COL6A6: variants seen among roughly 807,000 people sequenced by gnomAD.
COL6A6 encodes collagen alpha-6(VI) chain.
Under a neutral mutation model 208.6 loss-of-function variants are expected in COL6A6, and 183 were observed. The observed-to-expected ratio is 0.88, with a 90% CI of 0.78 to 0.99. COL6A6 has a LOEUF of 0.99. Among genes scored for constraint, COL6A6 ranks in the 50% least tolerant of loss-of-function variants. The pLI is 0.00. For missense variants in COL6A6, 2,816 were observed against 2,815.2 expected (o/e 1.00, Z -0.01); for synonymous variants, 973 against 1,011.8 (o/e 0.96, Z 0.73).
At chr3:130,520,876 T>C (rs2107661329) in intron 1 of COL6A6, among the ~76,000 whole-genome samples, 1 of 152,296 alleles carries the variant, frequency 6.6e-6, no homozygotes, top group East Asian at 1.9e-4. Context: ...CCCTAAAAAC[T>C]AATGCATTTA....
intron 36 of COL6A6, 56 bp from the exon 37 acceptor site, chr3:130,675,146 G>A (rs1031166877): frequency 8.4e-6 from 9 of 1,068,248 alleles, no homozygotes; most frequent in African/African-American, 1.6e-5. Flanking sequence ...TTAATATGTA[G>A]TCTATTAAAG....
chr3:130,553,117 T>C (rs1352458542), intron 1 of COL6A6, among the ~76,000 whole-genome samples: 1 of 152,206 alleles, frequency 6.6e-6, no homozygotes, highest in East Asian at 1.9e-4. Context: ...CTGATGACTA[T>C]GTGTCTTGGG....
chr3:130,597,326 C>T (rs890241891), intron 18 of COL6A6, among the ~76,000 whole-genome samples: 22 of 152,074 alleles, frequency 1.4e-4, no homozygotes, highest in African/African-American at 4.6e-4. Flanking sequence ...AATTTTTCAC[C>T]TACATTTTAG....
chr3:130,538,880 G>A (rs1304409276), intron 1 of COL6A6, among the ~76,000 whole-genome samples: 1 of 152,158 alleles, frequency 6.6e-6, no homozygotes, highest in Admixed American at 6.5e-5. Context: ...ACAATCATAG[G>A]TGCTAGAGGC....
chr3:130,652,870 C>T (rs2065684330), intron 33 of COL6A6, among the ~76,000 whole-genome samples: 1 of 152,156 alleles, frequency 6.6e-6, no homozygotes, highest in Non-Finnish European at 1.5e-5. Flanking sequence ...AATCTTGATC[C>T]ATCTGGGAGT....
At chr3:130,650,349 G>A (rs2065600346) in intron 33 of COL6A6, among the ~76,000 whole-genome samples, 1 of 152,188 alleles carries the variant, frequency 6.6e-6, no homozygotes, top group African/African-American at 2.4e-5. Context: ...AGGGCCGGGA[G>A]CGGTGGCTCA....
chr3:130,654,807 C>G (rs978418880), intron 33 of COL6A6, among the ~76,000 whole-genome samples: 1 of 152,198 alleles, frequency 6.6e-6, no homozygotes, highest in African/African-American at 2.4e-5. Flanking sequence ...TTACTCAAAT[C>G]AGTCTCCCTG....
chr3:130,571,490 G>A lies in COL6A6; in HGVS notation c.2977+97G>A. On this transcript the variant is annotated intron_variant, in intron 7 of 36. Transcript: ENST00000358511. Reference sequence around the variant, plus strand: ...CTCTCAGGAACAAGTTTTCCAGAGAGGAGAGAAGGAGCTCTAATTGTTTCA... The same window carrying A: ...CTCTCAGGAACAAGTTTTCCAGAGAAGAGAGAAGGAGCTCTAATTGTTTCA... 5 of 795,766 alleles carry A rather than the reference G, an allele frequency of 6.3e-6. No homozygotes were observed. In the South Asian group the frequency reaches 9.8e-5, roughly 16 times the overall value. The allele number at this position is 795,766 out of a possible 1,614,324, so 49.3% of individuals were successfully genotyped here. A position where few individuals can be genotyped will look rare whatever the true frequency, so the allele number is the denominator to read the frequency against.
At chr3:130,562,701 A>G (rs1317127362) in intron 2 of COL6A6, among the ~76,000 whole-genome samples, 7 of 152,212 alleles carry the variant, frequency 4.6e-5, no homozygotes, top group Non-Finnish European at 8.8e-5. Context: ...CCAAAAGCCA[A>G]AAAAACTACA....
chr3:130,551,699 G>C (rs1252578167), intron 1 of COL6A6, among the ~76,000 whole-genome samples: 3 of 147,340 alleles, frequency 2.0e-5, no homozygotes, highest in African/African-American at 7.6e-5. Context: ...TCTTCTGCTA[G>C]CTTTGGGTTC....
chr3:130,575,981 C>T (rs1266815674), intron 8 of COL6A6, among the ~76,000 whole-genome samples: 3 of 152,112 alleles, frequency 2.0e-5, no homozygotes, highest in Non-Finnish European at 4.4e-5. Flanking sequence ...GCTGATGCCT[C>T]CAGCTTTGTT....
intron 10 of COL6A6, among the ~76,000 whole-genome samples, chr3:130,583,120 A>G (rs1025847951): frequency 4.6e-5 from 7 of 152,208 alleles, no homozygotes; most frequent in Non-Finnish European, 7.3e-5. Context: ...GACCTAAGAC[A>G]TTATCTCTCA....
chr3:130,550,346 T>G (rs151086178), intron 1 of COL6A6, among the ~76,000 whole-genome samples: 1 of 152,194 alleles, frequency 6.6e-6, no homozygotes, highest in Non-Finnish European at 1.5e-5. Context: ...CCATGTTGAA[T>G]TGAAGTGATG....
intron 10 of COL6A6, 102 bp from the exon 11 acceptor site, chr3:130,586,404 T>G: frequency 9.8e-7 from 1 of 1,023,060 alleles, no homozygotes; most frequent in Non-Finnish European, 1.4e-6. Flanking sequence ...CTGACTGTTC[T>G]TCTTGCAGCT....
chr3:130,551,545 T>C (rs1422732439), intron 1 of COL6A6, among the ~76,000 whole-genome samples: 1 of 152,086 alleles, frequency 6.6e-6, no homozygotes, highest in Non-Finnish European at 1.5e-5. Context: ...TATTTGGATC[T>C]TCTCTCTTGT....
rs1427564852 is a variant in COL6A6, at chr3:130,531,066, T to A, written c.-32+13669T>A. ...CACACACACACACACACACAGTCTC[T>A]CTCTCTCTCTCTCTCTCTCTCTCTG... On this transcript the variant is annotated intron_variant, in intron 1 of 36. Transcript: ENST00000358511. Among the ~76,000 whole-genome samples, 260 of 131,624 alleles carry A rather than the reference T, an allele frequency of 2.0e-3. 2 individuals carry two copies. Among genetic ancestry groups the A allele is most frequent in the African/African-American group, 8.6e-3 (245 of 28,650 alleles). 86.4% of individuals were successfully genotyped at this position (131,624 alleles called of 152,430 possible). A position where few individuals can be genotyped will look rare whatever the true frequency, so the allele number is the denominator to read the frequency against.
chr3:130,517,743 A>G (rs1189901550), intron 1 of COL6A6, among the ~76,000 whole-genome samples: 1 of 152,246 alleles, frequency 6.6e-6, no homozygotes, highest in Non-Finnish European at 1.5e-5. Flanking sequence ...TCCTCACAGC[A>G]CAGGGCCTGG....
At chr3:130,645,240 A>G (rs908617213) in intron 32 of COL6A6, among the ~76,000 whole-genome samples, 6 of 152,234 alleles carry the variant, frequency 3.9e-5, no homozygotes, top group Admixed American at 2.6e-4. Context: ...AAAATCATTA[A>G]GATATTAATA....
chr3:130,622,027 A>G, intron 24 of COL6A6, 144 bp downstream of exon 24: 1 of 665,346 alleles, frequency 1.5e-6, no homozygotes, highest in Non-Finnish European at 2.6e-6. Flanking sequence ...TAGAGAGCCA[A>G]CAACCTCTAA....
Sources: allele counts gnomAD v4.1 joint callset (sites outside exome capture counted in the v4.1 genomes callset), GRCh38; gene constraint gnomAD v4.1.1; transcripts MANE v1.5; gene names NCBI Gene and HGNC (gene_info 2026-07-23, HGNC 2026-07-21).